Variants in FBN3 observed in about 807,000 individuals in gnomAD.
FBN3 encodes fibrillin 3.
In FBN3, 234 loss-of-function variants were observed where a neutral mutation model predicts 330.1. The observed-to-expected ratio is 0.71, with a 90% confidence interval of 0.64 to 0.79. FBN3 has a LOEUF of 0.79. Ranked by LOEUF, FBN3 falls within the 30% of genes least tolerant of loss-of-function variation. The pLI is 0.00. For missense variants in FBN3, 3,606 were observed against 3,886.9 expected, an observed-to-expected ratio of 0.93 and a Z score of 1.92; for synonymous variants, 1,458 against 1,517.3, an observed-to-expected ratio of 0.96 and a Z score of 0.91.
At chr19:8,146,298 G>C in intron 3 of FBN3, 73 bp from the exon 4 acceptor site, 1 of 1,326,930 alleles carries the variant, frequency 7.5e-7, no homozygotes, top group Non-Finnish European at 1.1e-6. Context: ...TGGTGTCCGG[G>C]CTGGCCGGAA....
rs754383820 is a variant in FBN3, at chr19:8,096,120, G to C, written c.5540-40C>G. On this transcript the variant is annotated intron_variant, in intron 44 of 63. Coordinates refer to ENST00000600128, the MANE Select transcript of FBN3 (RefSeq NM_032447.5). This position sits in a 1 kb window ranked among gnomAD's most constrained non-coding sequence, Gnocchi z 4.6. The stretch of plus-strand genomic sequence containing the variant: ...CCGAGAGCCCAACCCAGCTCACCCA[G>C]GGCATTGGGGAACTTGGGGAGTGAG... The C allele has an allele frequency of 1.3e-6, 2 of 1,496,314 alleles. No homozygotes were observed. The highest frequency in any genetic ancestry group is 1.9e-6 in the Non-Finnish European group (2 of 1,073,164). The allele number at this position is 1,496,314 out of a possible 1,614,324, so 92.7% of individuals were successfully genotyped here.
chr19:8,103,687 T>A lies in FBN3; in HGVS notation c.4814A>T (p.Asp1605Val), dbSNP rs773838500. 1.1e-5 allele frequency: 17 copies of A among 1,612,584 alleles called. No homozygotes were observed. Among genetic ancestry groups the A allele is most frequent in the Non-Finnish European group, 1.4e-5 (17 of 1,179,240 alleles). The part of the protein sequence containing the change: ...HLSEHTRICE[D>V]IDECSTHSGI... ...GGAGTGTGTGGAGCATTCGTCAATA[T>A]CTGCAGGGAAAGAAGGGGTGGAGGG... Residue 1605 changes from aspartate (D) to valine (V), a missense_variant and splice_region_variant, in exon 39 of 64, where the codon GAT (aspartate) becomes GTT (valine). Coordinates refer to ENST00000600128, the MANE Select transcript of FBN3 (RefSeq NM_032447.5).
chr19:8,078,498 G>A (rs1254002904), intron 59 of FBN3, among the ~76,000 whole-genome samples: 3 of 152,060 alleles, frequency 2.0e-5, no homozygotes, highest in Non-Finnish European at 2.9e-5. Flanking sequence ...AAGCAGTCAC[G>A]TGTGACCTTG....
rs994792395 is a variant in FBN3 at position 8,145,747 on chromosome 19, AGGAACCCTGGGCAGTGGGCAGGT to A, written c.445+73_445+95del. 5.7e-6 allele frequency: 5 copies of A among 871,184 alleles called. No individual in the cohort carries two copies. In the African/African-American group the frequency reaches 8.5e-5, roughly 15 times the overall value. The allele number at this position is 871,184 out of a possible 1,614,324, so 54.0% of individuals were successfully genotyped here. A position where few individuals can be genotyped will look rare whatever the true frequency, so the allele number is the denominator to read the frequency against. The stretch of plus-strand genomic sequence containing the variant: ...CCCTGCAATCTCCAGTCCAGGAAGA[AGGAACCCTGGGCAGTGGGCAGGT>A]GGCAGCAGAGACTAATACTCTGGGA... On this transcript the variant is annotated intron_variant, in intron 5 of 63. Transcript: ENST00000600128.
intron 42 of FBN3, 37 bp from the exon 43 acceptor site, chr19:8,097,043 G>A (rs2082226036): frequency 1.2e-6 from 2 of 1,603,062 alleles, no homozygotes; most frequent in Non-Finnish European, 1.7e-6. Context: ...GGGTGACAGA[G>A]AAGCCCATCC....
rs151230454 is a variant in FBN3, at chr19:8,129,127, G to A, written c.2197C>T (p.Leu733Phe). The change falls in exon 18 of 64, where the codon CTC becomes TTC. Residue 733 changes from leucine (L) to phenylalanine (F), a missense_variant. Leu to Phe is a conservative substitution (Grantham distance 22). Coordinates refer to ENST00000600128, the MANE Select transcript of FBN3 (RefSeq NM_032447.5). The surrounding 1 kb of genome is among the most constrained non-coding windows in gnomAD (Gnocchi z 4.5). Reference sequence around the variant, plus strand: ...TGGCACCACCCGTTGTCACACAGGAGGCTGTTGAGGGCACACTCATCCACG... The same window carrying A: ...TGGCACCACCCGTTGTCACACAGGAAGCTGTTGAGGGCACACTCATCCACG... ...TDVDECALNS[L>F]LCDNGWCQNS... 1.1e-5 allele frequency: 17 copies of A among 1,613,096 alleles called. No individual in the cohort carries two copies. Among genetic ancestry groups the A allele is most frequent in the Admixed American group, 1.7e-5 (1 of 59,992 alleles).
At chr19:8,084,165 A>T (rs2081879618) in intron 56 of FBN3, among the ~76,000 whole-genome samples, 1 of 152,126 alleles carries the variant, frequency 6.6e-6, no homozygotes, top group Non-Finnish European at 1.5e-5. Flanking sequence ...TGACACACTC[A>T]GTGAGACGCA....
Position 8,138,508 on chromosome 19 carries a change from G to A in FBN3, c.922C>T (p.Leu308Phe), listed in dbSNP as rs61729623. ...VLFGGRCAGD[L>F]AGHYTRRQCC... The stretch of plus-strand genomic sequence containing the variant: ...TGCCTGCGAGTGTAGTGGCCGGCGA[G>A]GTCTCCAGCACAGCGGCCCCCGAAA... Residue 308 changes from leucine to phenylalanine, a missense_variant, in exon 9 of 64, where the codon CTC becomes TTC. Physicochemically the swap from Leu to Phe is conservative, Grantham distance 22. Transcript: ENST00000600128. 1 of 1,612,756 alleles carries A rather than the reference G, an allele frequency of 6.2e-7. No individual in the cohort carries two copies. Among genetic ancestry groups the A allele is most frequent in the Admixed American group, 1.7e-5 (1 of 59,984 alleles).
Position 8,096,708 on chromosome 19 carries a change from A to G in FBN3, c.5414-139T>C, listed in dbSNP as rs528432503. ...CCACCAGGGGCGTCAGGCTGTCTGC[A>G]TGGACCTGAGCTCTCACCTCTATCA... On this transcript the variant is annotated intron_variant, in intron 43 of 63. Coordinates refer to ENST00000600128, the MANE Select transcript of FBN3 (RefSeq NM_032447.5). This position sits in a 1 kb window ranked among gnomAD's most constrained non-coding sequence, Gnocchi z 4.6. 2.2e-6 allele frequency: 3 copies of G among 1,357,010 alleles called. No individual in the cohort carries two copies. Among genetic ancestry groups the G allele is most frequent in the Admixed American group, 2.1e-5 (1 of 48,444 alleles). The allele number at this position is 1,357,010 out of a possible 1,614,324, so 84.1% of individuals were successfully genotyped here. A position where few individuals can be genotyped will look rare whatever the true frequency, so the allele number is the denominator to read the frequency against.
chr19:8,121,112 C>G lies in FBN3; in HGVS notation c.3211+146G>C. On this transcript the variant is annotated intron_variant, in intron 25 of 63. Coordinates refer to ENST00000600128, the MANE Select transcript of FBN3 (RefSeq NM_032447.5). The surrounding 1 kb of genome is among the most constrained non-coding windows in gnomAD (Gnocchi z 4.5). ...GACGAGGCCTCATGGAGCCCAGACTCACTGTACCTCAGCTAATTTACAGCT... is the reference window on the plus strand; with the variant it reads ...GACGAGGCCTCATGGAGCCCAGACTGACTGTACCTCAGCTAATTTACAGCT... 1.3e-6 allele frequency: 1 copy of G among 785,296 alleles called. No homozygotes were observed. Among genetic ancestry groups the G allele is most frequent in the South Asian group, 1.9e-5 (1 of 53,730 alleles). The allele number at this position is 785,296 out of a possible 1,614,324, so 48.6% of individuals were successfully genotyped here. A position where few individuals can be genotyped will look rare whatever the true frequency, so the allele number is the denominator to read the frequency against.
intron 37 of FBN3, among the ~76,000 whole-genome samples, chr19:8,107,493 A>G (rs1275429730): frequency 6.8e-6 from 1 of 147,706 alleles, no homozygotes; most frequent in African/African-American, 2.5e-5. Context: ...GGATGGATGG[A>G]TGGATGGATG....
rs778230701 is a variant in FBN3 at position 8,106,169 on chromosome 19, G to A, written c.4752C>T (p.Gly1584=). 6.2e-7 allele frequency: 1 copy of A among 1,614,136 alleles called. No individual in the cohort carries two copies. The highest frequency in any genetic ancestry group is 2.2e-5 in the East Asian group (1 of 44,886). The part of the protein sequence containing the change: ...CQGGDCVNTF[G]SFQCECPPGY... ...CAGGTGGGCACTCACACTGGAAACT[G>A]CCAAACGTGTTGACGCAGTCACCCC... Residue 1584 remains glycine (G), a synonymous_variant, in exon 38 of 64, where the codon GGC becomes GGT. Coordinates refer to ENST00000600128, the MANE Select transcript of FBN3 (RefSeq NM_032447.5).
Position 8,088,127 on chromosome 19 carries a change from A to G in FBN3, c.6429T>C (p.Asn2143=). 1 of 1,613,848 alleles carries G rather than the reference A, an allele frequency of 6.2e-7. No homozygotes were observed. The highest frequency in any genetic ancestry group is 8.5e-7 in the Non-Finnish European group (1 of 1,179,956). The change falls in exon 52 of 64, where the codon AAT becomes AAC. Residue 2143 remains asparagine (N), a synonymous_variant. Coordinates refer to ENST00000600128, the MANE Select transcript of FBN3 (RefSeq NM_032447.5). ...GHPCGQGTCT[N]VIGGFECACA... ...AGGCACATTCGAAGCCTCCGATGAC[A>G]TTGGTGCATGTCCCTTGCCCACAGG...
rs375873223 is a variant in FBN3 at position 8,117,175 on chromosome 19, A to G, written c.3580T>C (p.Cys1194Arg). 23 of 1,613,952 alleles carry G rather than the reference A, an allele frequency of 1.4e-5. No homozygotes were observed. Among genetic ancestry groups the G allele is most frequent in the African/African-American group, 2.7e-5 (2 of 74,918 alleles). ...AGAAGTTGTGCCCACCTACCTGCAC[A>G]TGCCCTTCCGTCGGGCATCAGCGAG... ...GYSLMPDGRACADVDECEENP... is the reference protein window; with the variant it reads ...GYSLMPDGRARADVDECEENP... The change falls in exon 28 of 64, where the codon TGT becomes CGT. Residue 1194 changes from cysteine (C) to arginine (R), a missense_variant. Physicochemically the swap from Cys to Arg is radical, Grantham distance 180 (BLOSUM62 -3). Coordinates refer to ENST00000600128, the MANE Select transcript of FBN3 (RefSeq NM_032447.5).
chr19:8,073,773 G>T (rs1490599110), intron 61 of FBN3, among the ~76,000 whole-genome samples: 1 of 152,170 alleles, frequency 6.6e-6, no homozygotes, highest in Non-Finnish European at 1.5e-5. Flanking sequence ...TTGACGTCCT[G>T]GGCTCAAGGG....
chr19:8,132,975 C>T lies in FBN3; in HGVS notation c.1714+9G>A, dbSNP rs766704999. The T allele has an allele frequency of 2.6e-5, 40 of 1,546,470 alleles. No homozygotes were observed. The highest frequency in any genetic ancestry group is 3.1e-5 in the Non-Finnish European group (36 of 1,149,406). On this transcript the variant is annotated intron_variant, in intron 14 of 63. Coordinates refer to ENST00000600128, the MANE Select transcript of FBN3 (RefSeq NM_032447.5). Reference sequence around the variant, plus strand: ...TCCCCTCCGCTGGCCAGTCTGGCTCCAGGCTCACCCATGCAGTAGTGGCCG... The same window carrying T: ...TCCCCTCCGCTGGCCAGTCTGGCTCTAGGCTCACCCATGCAGTAGTGGCCG...
chr19:8,087,739 G>A, intron 53 of FBN3, 86 bp downstream of exon 53: 1 of 1,223,532 alleles, frequency 8.2e-7, no homozygotes, highest in Non-Finnish European at 1.2e-6. Flanking sequence ...CTCCCAAGTA[G>A]CTGGGATTAC....
chr19:8,074,280 A>G (rs1454313373), intron 61 of FBN3, among the ~76,000 whole-genome samples: 1 of 152,098 alleles, frequency 6.6e-6, no homozygotes, highest in African/African-American at 2.4e-5. Context: ...GGGGACAAGC[A>G]GCTTGCCTGG....
rs1319964602 is a variant in FBN3, at chr19:8,096,802, G to A, written c.5413+79C>T. 1 of 1,515,960 alleles carries A rather than the reference G, an allele frequency of 6.6e-7. No individual in the cohort carries two copies. The highest frequency in any genetic ancestry group is 2.3e-5 in the East Asian group (1 of 44,242). The allele number at this position is 1,515,960 out of a possible 1,614,324, so 93.9% of individuals were successfully genotyped here. ...ATAGTATAGAAAAGGAGAAAGACCTGGACAGAGCCATACCCCATCTAAGTC... is the reference window on the plus strand; with the variant it reads ...ATAGTATAGAAAAGGAGAAAGACCTAGACAGAGCCATACCCCATCTAAGTC... On this transcript the variant is annotated intron_variant, in intron 43 of 63. Transcript: ENST00000600128. This position sits in a 1 kb window ranked among gnomAD's most constrained non-coding sequence, Gnocchi z 4.6.
Sources: allele counts gnomAD v4.1 joint callset (sites outside exome capture counted in the v4.1 genomes callset), GRCh38; gene constraint gnomAD v4.1.1; non-coding constraint Gnocchi (gnomAD v3.1); transcripts MANE v1.5; gene names NCBI Gene and HGNC (gene_info 2026-07-23, HGNC 2026-07-21).